DGKI: variants seen among roughly 807,000 people sequenced by gnomAD.
DGKI encodes the protein diacylglycerol kinase iota.
DGKI carries 55 observed loss-of-function variants against 147.5 expected under a neutral mutation model. The observed-to-expected ratio is 0.37, with a 90% CI of 0.30 to 0.47. DGKI has a LOEUF of 0.47. Ranked by LOEUF, DGKI falls within the 20% of genes least tolerant of loss-of-function variation. DGKI has a pLI of 1.00. For missense variants in DGKI, 1,007 were observed against 1,323.8 expected (o/e 0.76, Z 3.71); for synonymous variants, 469 against 477.1 (o/e 0.98, Z 0.22).
intron 21 of DGKI, among the ~76,000 whole-genome samples, chr7:137,497,646 A>G (rs751104836): frequency 1.3e-5 from 2 of 152,132 alleles, no homozygotes; most frequent in African/African-American, 4.8e-5. Flanking sequence ...TTGCAGCAAC[A>G]TGGATGGAGC....
At chr7:137,796,374 C>T (rs1797030711) in intron 1 of DGKI, among the ~76,000 whole-genome samples, 1 of 152,064 alleles carries the variant, frequency 6.6e-6, no homozygotes, top group African/African-American at 2.4e-5. Context: ...GTGGTGGATG[C>T]CTGTAATCCC....
chr7:137,589,859 T>C (rs1263012819), intron 12 of DGKI, among the ~76,000 whole-genome samples: 1 of 152,172 alleles, frequency 6.6e-6, no homozygotes, highest in Non-Finnish European at 1.5e-5. Context: ...ACCTCTCCTT[T>C]ATGATTTGTG....
chr7:137,479,749 C>T (rs1235477956), intron 23 of DGKI, among the ~76,000 whole-genome samples: 1 of 152,076 alleles, frequency 6.6e-6, no homozygotes, highest in African/African-American at 2.4e-5. Context: ...TTAATAATGG[C>T]CAATCAATAA....
intron 1 of DGKI, among the ~76,000 whole-genome samples, chr7:137,760,874 C>T (rs1469764401): frequency 3.9e-5 from 6 of 152,154 alleles, no homozygotes; most frequent in Non-Finnish European, 5.9e-5. Context: ...TCCAGAGGGA[C>T]GACATTTCCA....
At chr7:137,477,718 G>A (rs1462125569) in intron 23 of DGKI, among the ~76,000 whole-genome samples, 3 of 152,084 alleles carry the variant, frequency 2.0e-5, no homozygotes, top group African/African-American at 7.2e-5. Flanking sequence ...GTGCAGTGGT[G>A]CAATCTCAGC....
intron 1 of DGKI, among the ~76,000 whole-genome samples, chr7:137,705,442 C>T (rs1041948892): frequency 6.6e-6 from 1 of 151,772 alleles, no homozygotes; most frequent in African/African-American, 2.4e-5. Flanking sequence ...ATCTCAGAAA[C>T]GTTATTCTGA....
chr7:137,796,498 TAA>T (rs112496670), intron 1 of DGKI, among the ~76,000 whole-genome samples: 8 of 142,382 alleles, frequency 5.6e-5, no homozygotes, highest in Admixed American at 7.0e-5. Flanking sequence ...AAACTCCATT[TAA>T]AAAAAAAAAA....
chr7:137,790,379 T>C (rs571891410), intron 1 of DGKI, among the ~76,000 whole-genome samples: 1 of 152,254 alleles, frequency 6.6e-6, no homozygotes, highest in South Asian at 2.1e-4. Flanking sequence ...ATGACTGCAA[T>C]AAGCTACTGT....
intron 27 of DGKI, among the ~76,000 whole-genome samples, chr7:137,450,919 C>T (rs897302041): frequency 4.6e-5 from 7 of 151,720 alleles, no homozygotes; most frequent in African/African-American, 1.7e-4. Flanking sequence ...AAAATAAAGA[C>T]AACTTTTCAA....
intron 28 of DGKI, among the ~76,000 whole-genome samples, chr7:137,426,282 T>C (rs934195767): frequency 2.2e-4 from 33 of 152,150 alleles, no homozygotes; most frequent in African/African-American, 8.0e-4. Flanking sequence ...ACCCAGAATT[T>C]CATATCCAGC....
At chr7:137,759,290 T>G (rs1795783567) in intron 1 of DGKI, among the ~76,000 whole-genome samples, 1 of 152,194 alleles carries the variant, frequency 6.6e-6, no homozygotes, top group South Asian at 2.1e-4. Context: ...TCCATTTTGC[T>G]GCAAATGACA....
intron 27 of DGKI, among the ~76,000 whole-genome samples, chr7:137,444,402 T>C (rs1813632203): frequency 3.3e-5 from 5 of 152,152 alleles, no homozygotes; most frequent in Admixed American, 3.3e-4. Context: ...AGAAATGTAG[T>C]ATAGATGAAA....
intron 19 of DGKI, among the ~76,000 whole-genome samples, chr7:137,570,397 T>C (rs1818752056): frequency 6.6e-6 from 1 of 152,192 alleles, no homozygotes; most frequent in Non-Finnish European, 1.5e-5. Context: ...GAGTATGCAC[T>C]AATATCACAA....
intron 1 of DGKI, among the ~76,000 whole-genome samples, chr7:137,717,418 G>A (rs1367578995): frequency 1.3e-5 from 2 of 151,930 alleles, no homozygotes; most frequent in Admixed American, 1.3e-4. Flanking sequence ...ACAGTTCTCA[G>A]GAAAATGAAA....
intron 1 of DGKI, among the ~76,000 whole-genome samples, chr7:137,802,878 A>G (rs936802191): frequency 6.6e-6 from 1 of 152,202 alleles, no homozygotes; most frequent in African/African-American, 2.4e-5. Context: ...ACTGATGTTC[A>G]TTAATACAAT....
chr7:137,741,658 A>T (rs796765665), intron 1 of DGKI, among the ~76,000 whole-genome samples: 6 of 152,290 alleles, frequency 3.9e-5, no homozygotes, highest in African/African-American at 1.4e-4. Flanking sequence ...CAGCTCGCCA[A>T]ACATGACCAC....
intron 26 of DGKI, among the ~76,000 whole-genome samples, chr7:137,463,834 C>A (rs1486391175): frequency 5.3e-5 from 8 of 152,124 alleles, no homozygotes; most frequent in African/African-American, 1.7e-4. Flanking sequence ...AACTGATTTT[C>A]AAGATTAAGT....
intron 1 of DGKI, among the ~76,000 whole-genome samples, chr7:137,738,789 C>G (rs1010084119): frequency 6.6e-6 from 1 of 151,102 alleles, no homozygotes; most frequent in Non-Finnish European, 1.5e-5. Context: ...TGCCAGACTT[C>G]CATTGTCTAT....
intron 1 of DGKI, among the ~76,000 whole-genome samples, chr7:137,838,536 A>T (rs1241902428): frequency 2.0e-5 from 3 of 152,208 alleles, no homozygotes; most frequent in Non-Finnish European, 4.4e-5. Flanking sequence ...TTTCCTTACA[A>T]GCCTGACATC....
Sources: allele counts gnomAD v4.1 joint callset (sites outside exome capture counted in the v4.1 genomes callset), GRCh38; gene constraint gnomAD v4.1.1; transcripts MANE v1.5; gene names NCBI Gene and HGNC (gene_info 2026-07-23, HGNC 2026-07-21).